The following IL1RAPL1 variants were observed in gnomAD, a reference collection of about 807,000 sequenced individuals.
IL1RAPL1 encodes the protein interleukin-1 receptor accessory protein-like 1.
Under a neutral mutation model 48.4 loss-of-function variants are expected in IL1RAPL1, and 3 were observed. The observed-to-expected ratio is 0.06, with a 90% CI of 0.03 to 0.16. IL1RAPL1 has a LOEUF of 0.16. Ranked by LOEUF, IL1RAPL1 falls within the 10% of genes least tolerant of loss-of-function variation. IL1RAPL1 has a pLI of 1.00. For missense variants in IL1RAPL1, 349 were observed against 530.6 expected (o/e 0.66, Z 3.36); for synonymous variants, 185 against 187.7 (o/e 0.99, Z 0.12).
At chrX:29,040,713 C>A (rs1926828366) in intron 2 of IL1RAPL1, among the ~76,000 whole-genome samples, 1 of 112,088 alleles carries the variant, frequency 8.9e-6, no homozygotes, top group Non-Finnish European at 1.9e-5. Context: ...TGTGTTCACG[C>A]TTTATGGTGT....
In IL1RAPL1 at chrX:29,314,599, C is replaced by T. The variant is rs550720077; in HGVS notation, c.362+31382C>T. Among the ~76,000 whole-genome samples the T allele has an allele frequency of 6.2e-5, 7 of 112,272 alleles. No individual in the cohort carries two copies. In the South Asian group the frequency reaches 2.6e-3, roughly 41 times the overall value. On this transcript the variant is annotated intron_variant, in intron 3 of 10. Coordinates refer to ENST00000378993, the MANE Select transcript of IL1RAPL1 (RefSeq NM_014271.4). ...GGAACAAAATGCAAAGTTATATTGA[C>T]GTAGGGGCCTTGATAATTAAGTTGA...
intron 2 of IL1RAPL1, among the ~76,000 whole-genome samples, chrX:29,047,495 A>T (rs1029965438): frequency 1.1e-4 from 12 of 112,400 alleles, no homozygotes; most frequent in African/African-American, 3.6e-4. Context: ...ATCTGTTAAG[A>T]TAAACCTCTT....
intron 6 of IL1RAPL1, among the ~76,000 whole-genome samples, chrX:29,802,818 T>C (rs1601829397): frequency 1.3e-5 from 1 of 75,595 alleles, no homozygotes; most frequent in East Asian, 3.5e-4. Flanking sequence ...TATGTGTGTA[T>C]ATATATGTAT....
intron 1 of IL1RAPL1, among the ~76,000 whole-genome samples, chrX:28,758,876 C>T (rs780002253): frequency 6.1e-4 from 68 of 111,657 alleles, no homozygotes; most frequent in Non-Finnish European, 1.1e-3. Flanking sequence ...TTTTCTGTAA[C>T]CTGACCTCTT....
chrX:29,366,148 C>T (rs1358366472), intron 3 of IL1RAPL1, among the ~76,000 whole-genome samples: 1 of 110,548 alleles, frequency 9.0e-6, no homozygotes, highest in Non-Finnish European at 1.9e-5. Context: ...ATCATAAATC[C>T]CTTTGCTAGT....
At chrX:29,251,509 A>G (rs1228902749) in intron 2 of IL1RAPL1, among the ~76,000 whole-genome samples, 2 of 111,727 alleles carry the variant, frequency 1.8e-5, no homozygotes, top group Non-Finnish European at 3.8e-5. Flanking sequence ...GTATGTATTC[A>G]CATCCATATA....
At chrX:29,564,417 T>C (rs1922334060) in intron 5 of IL1RAPL1, among the ~76,000 whole-genome samples, 1 of 112,933 alleles carries the variant, frequency 8.9e-6, no homozygotes, top group Admixed American at 9.3e-5. Context: ...AGGAAAATGA[T>C]GTGGCAGGAT....
At chrX:28,658,539 T>TC (rs1464385527) in intron 1 of IL1RAPL1, among the ~76,000 whole-genome samples, 1 of 110,148 alleles carries the variant, frequency 9.1e-6, no homozygotes, top group Non-Finnish European at 1.9e-5. Context: ...TTTTTGTCTT[T>TC]TTTTTTTTTT....
intron 6 of IL1RAPL1, among the ~76,000 whole-genome samples, chrX:29,681,065 A>G (rs1309362404): frequency 8.9e-6 from 1 of 112,615 alleles, no homozygotes; most frequent in African/African-American, 3.2e-5. Flanking sequence ...GTAATGCTAT[A>G]AAGGAGAATG....
chrX:29,205,559 A>G (rs1400408043), intron 2 of IL1RAPL1, among the ~76,000 whole-genome samples: 2 of 111,064 alleles, frequency 1.8e-5, no homozygotes, highest in East Asian at 5.6e-4. Context: ...TAACATTATC[A>G]AATTGATTAA....
At chrX:29,868,218 C>T (rs1477122112) in intron 6 of IL1RAPL1, among the ~76,000 whole-genome samples, 2 of 112,271 alleles carry the variant, frequency 1.8e-5, no homozygotes, top group African/African-American at 6.5e-5. Context: ...TAATTTTCAT[C>T]TTATTTAATT....
chrX:29,950,158 T>G (rs780483433), intron 9 of IL1RAPL1, among the ~76,000 whole-genome samples: 1 of 112,102 alleles, frequency 8.9e-6, no homozygotes, highest in Non-Finnish European at 1.9e-5. Flanking sequence ...CTAACTTAAG[T>G]ACTATAAATA....
chrX:28,710,252 C>T (rs1426135932), intron 1 of IL1RAPL1, among the ~76,000 whole-genome samples: 2 of 102,373 alleles, frequency 2.0e-5, no homozygotes, highest in Non-Finnish European at 3.9e-5. Context: ...GGGAGATAGA[C>T]AAGAAACAAT....
In IL1RAPL1 at chrX:29,080,968, CTTTCTTTCTTTCTTTCTTTCTTTCTT is replaced by C. The variant is rs1569232722; in HGVS notation, c.83-201968_83-201943del. ...TCTTTCTTTCTTTCTTTCTTTCTTT[CTTTCTTTCTTTCTTTCTTTCTTTCTT>C]TCTCTCTCTCTCTCTCTCTCTCTCT... On this transcript the variant is annotated intron_variant, in intron 2 of 10. Transcript: ENST00000378993. Among the ~76,000 whole-genome samples, 51 of 42,536 alleles carry C rather than the reference CTTTCTTTCTTTCTTTCTTTCTTTCTT, an allele frequency of 1.2e-3. 1 individual carries two copies. Among genetic ancestry groups the C allele is most frequent in the African/African-American group, 5.6e-3 (47 of 8,435 alleles). The allele number at this position is 42,536 out of a possible 115,157, so 36.9% of individuals were successfully genotyped here. A position where few individuals can be genotyped will look rare whatever the true frequency, so the allele number is the denominator to read the frequency against.
intron 1 of IL1RAPL1, among the ~76,000 whole-genome samples, chrX:28,753,359 A>C (rs762178630): frequency 8.9e-6 from 1 of 112,313 alleles, no homozygotes; most frequent in South Asian, 3.7e-4. Flanking sequence ...ATCTTATGGG[A>C]AAATATCATC....
At chrX:29,583,388 A>G (rs1275077115) in intron 5 of IL1RAPL1, among the ~76,000 whole-genome samples, 1 of 27,733 alleles carries the variant, frequency 3.6e-5, no homozygotes, top group African/African-American at 1.5e-4. Flanking sequence ...TACAAAATCA[A>G]TGTACAAAAA....
chrX:28,720,624 A>G (rs993683855), intron 1 of IL1RAPL1, among the ~76,000 whole-genome samples: 1 of 111,927 alleles, frequency 8.9e-6, no homozygotes, highest in African/African-American at 3.2e-5. Flanking sequence ...ATTATACTTT[A>G]AGTTCTAGGG....
rs1180236403 is a variant in IL1RAPL1, at chrX:29,928,267, ATTAAGT to A, written c.1057+8178_1057+8183del. Among the ~76,000 whole-genome samples the A allele has an allele frequency of 8.0e-5, 9 of 112,122 alleles. No homozygotes were observed. The South Asian group carries it at 3.4e-3, about 42-fold the overall frequency. On this transcript the variant is annotated intron_variant, in intron 8 of 10. Coordinates refer to ENST00000378993, the MANE Select transcript of IL1RAPL1 (RefSeq NM_014271.4). ...ATAAACAGGCAGTGTAGAAAAAATA[ATTAAGT>A]TTAAAACATTTGCAGGAAGCCCACA...
At chrX:28,735,253 A>G (rs958342976) in intron 1 of IL1RAPL1, among the ~76,000 whole-genome samples, 6 of 110,652 alleles carry the variant, frequency 5.4e-5, no homozygotes, top group Admixed American at 3.9e-4. Context: ...CAGAAATCAC[A>G]TACTATGCCT....
Sources: allele counts gnomAD v4.1 joint callset (sites outside exome capture counted in the v4.1 genomes callset), GRCh38; gene constraint gnomAD v4.1.1; transcripts MANE v1.5; gene names NCBI Gene and HGNC (gene_info 2026-07-23, HGNC 2026-07-21).